ACER3: variants seen among roughly 807,000 people sequenced by gnomAD.
ACER3 encodes alkaline ceramidase 3, also known as alkCDase 3.
In ACER3, 16 loss-of-function variants were observed where a neutral mutation model predicts 48.9. That is an observed-to-expected ratio of 0.33 (90% CI 0.22 to 0.50). ACER3 has a LOEUF of 0.50. Ranked by LOEUF, ACER3 falls within the 20% of genes least tolerant of loss-of-function variation. ACER3 has a pLI of 0.98. For synonymous variants in ACER3, 109 were observed against 107.8 expected (o/e 1.01, Z -0.07); for missense variants, 227 against 326.0 (o/e 0.70, Z 2.34).
chr11:76,910,430 A>G (rs1484768585), intron 1 of ACER3, among the ~76,000 whole-genome samples: 1 of 152,172 alleles, frequency 6.6e-6, no homozygotes, highest in Non-Finnish European at 1.5e-5. Flanking sequence ...ATTTCACCCT[A>G]TCAGAATAAA....
intron 3 of ACER3, among the ~76,000 whole-genome samples, chr11:76,973,231 C>T (rs1948354918): frequency 1.3e-5 from 2 of 152,296 alleles, no homozygotes; most frequent in South Asian, 2.1e-4. Context: ...TTCTGACCTC[C>T]ACAACTGTCA....
intron 1 of ACER3, among the ~76,000 whole-genome samples, chr11:76,922,767 A>G (rs969696182): frequency 6.6e-6 from 1 of 152,162 alleles, no homozygotes; most frequent in Non-Finnish European, 1.5e-5. Flanking sequence ...TGTAAATTGT[A>G]TAATTTCTTA....
At chr11:76,915,873 C>A (rs989013215) in intron 1 of ACER3, among the ~76,000 whole-genome samples, 1 of 152,152 alleles carries the variant, frequency 6.6e-6, no homozygotes, top group African/African-American at 2.4e-5. Flanking sequence ...CACTCAGTCT[C>A]AAGAACAGCA....
At chr11:76,941,013 AC>A (rs1947325722) in intron 2 of ACER3, among the ~76,000 whole-genome samples, 1 of 9,518 alleles carries the variant, frequency 1.1e-4, no homozygotes, top group Non-Finnish European at 3.7e-4. Context: ...GTGTGTATAA[AC>A]ACACACACAC....
chr11:76,872,882 TTTTC>T (rs1258712240), intron 1 of ACER3, among the ~76,000 whole-genome samples: 64 of 150,970 alleles, frequency 4.2e-4, no homozygotes, highest in Non-Finnish European at 6.3e-4. Context: ...TTTCTTTTTC[TTTTC>T]TTTCTTTCTT....
chr11:76,909,067 A>G (rs528617872), intron 1 of ACER3, among the ~76,000 whole-genome samples: 1 of 152,348 alleles, frequency 6.6e-6, no homozygotes, highest in Admixed American at 6.5e-5. Flanking sequence ...CTGGCTAGCC[A>G]TATGCAGAAA....
intron 4 of ACER3, 24 bp from the exon 5 acceptor site, chr11:76,985,619 G>A (rs376328936): frequency 2.7e-5 from 40 of 1,465,182 alleles, no homozygotes; most frequent in Non-Finnish European, 3.2e-5. Context: ...TCTTTTAAAA[G>A]TTTCTTTCTC....
intron 3 of ACER3, among the ~76,000 whole-genome samples, chr11:76,959,489 C>T (rs11237035): frequency 0.57 from 86,851 of 152,004 alleles, 28,005 homozygotes; most frequent in Non-Finnish European, 0.74. Context: ...GAATGCAGCC[C>T]AATACAAATT....
intron 3 of ACER3, among the ~76,000 whole-genome samples, chr11:76,959,662 C>T (rs1234845594): frequency 6.6e-6 from 1 of 152,036 alleles, no homozygotes; most frequent in Admixed American, 6.6e-5. Flanking sequence ...AAGCAATTCT[C>T]CTGCCTCAGC....
At chr11:76,929,680 G>T (rs80354738) in intron 2 of ACER3, among the ~76,000 whole-genome samples, 1 of 152,174 alleles carries the variant, frequency 6.6e-6, no homozygotes, top group Non-Finnish European at 1.5e-5. Context: ...TAGCACGAAG[G>T]GCTGTTGAAT....
At position 76,864,596 on chromosome 11, in the gene ACER3, A is replaced by ATTTTTTTTTTTTTTT. The variant is rs772026324; in HGVS notation, c.103+3524_103+3538dup. 1.3e-4 allele frequency among the ~76,000 whole-genome samples: 13 copies of ATTTTTTTTTTTTTTT among 99,932 alleles called. 2 individuals carry two copies. The highest frequency in any genetic ancestry group is 2.2e-4 in the Non-Finnish European group (11 of 49,504). 65.6% of individuals were successfully genotyped at this position (99,932 alleles called of 152,430 possible). A position where few individuals can be genotyped will look rare whatever the true frequency, so the allele number is the denominator to read the frequency against. On this transcript the variant is annotated intron_variant, in intron 1 of 10. Coordinates refer to ENST00000532485, the MANE Select transcript of ACER3 (RefSeq NM_018367.7). ...ACATAACTCATAATATGGAATGGGT[A>ATTTTTTTTTTTTTTT]TTTTTTTTTTTTTTTTTTTTTGAGG...
chr11:76,886,502 A>G (rs1471364738), intron 1 of ACER3, among the ~76,000 whole-genome samples: 1 of 152,216 alleles, frequency 6.6e-6, no homozygotes, highest in Non-Finnish European at 1.5e-5. Flanking sequence ...TTAGCATGTT[A>G]CAATTATATG....
At chr11:76,868,377 C>A (rs982777274) in intron 1 of ACER3, 48 of 362,242 alleles carry the variant, frequency 1.3e-4, no homozygotes, top group Middle Eastern at 2.1e-3. Context: ...GTTTTAATAT[C>A]TCTCTCTCTC....
intron 1 of ACER3, among the ~76,000 whole-genome samples, chr11:76,899,248 AT>A (rs1946020129): frequency 6.6e-6 from 1 of 152,220 alleles, no homozygotes; most frequent in Admixed American, 6.5e-5. Context: ...CCTTATTATA[AT>A]GAAAAATCTG....
At chr11:76,867,468 CAAAAAAAAA>C (rs1156610809) in intron 1 of ACER3, among the ~76,000 whole-genome samples, 22 of 19,656 alleles carry the variant, frequency 1.1e-3, no homozygotes, top group Admixed American at 1.7e-3. Context: ...GACTCTGTCT[CAAAAAAAAA>C]AAAAAAAAAA....
chr11:76,987,014 T>C (rs1156692631), intron 5 of ACER3, among the ~76,000 whole-genome samples: 2 of 152,040 alleles, frequency 1.3e-5, no homozygotes, highest in Non-Finnish European at 2.9e-5. Context: ...TGCAGTGAGC[T>C]GAGATCGTGC....
At position 77,025,412 on chromosome 11, in the gene ACER3, T is replaced by TATATATATATATATATA. The variant is rs575045221; in HGVS notation, c.*5085_*5086insATATATATATATATATA. 267 of 69,126 alleles carry TATATATATATATATATA rather than the reference T, an allele frequency of 3.9e-3. 4 individuals carry two copies. The highest frequency in any genetic ancestry group is 0.011 in the African/African-American group (248 of 23,358). The allele number at this position is 69,126 out of a possible 1,614,324, so 4.3% of individuals were successfully genotyped here. ...ATTCTTTATATATATATATATATAT[T>TATATATATATATATATA]TATTTATTTTTTTGAGACAGAGTCT... On this transcript the variant is annotated 3_prime_UTR_variant, in exon 11 of 11. Coordinates refer to ENST00000532485, the MANE Select transcript of ACER3 (RefSeq NM_018367.7).
At chr11:76,911,414 C>T (rs966235116) in intron 1 of ACER3, among the ~76,000 whole-genome samples, 4 of 152,114 alleles carry the variant, frequency 2.6e-5, no homozygotes, top group African/African-American at 9.7e-5. Context: ...ATATGATTAG[C>T]AGTGCCAGGG....
chr11:77,005,997 T>A lies in ACER3; in HGVS notation c.497+7176T>A, dbSNP rs1274950623. Among the ~76,000 whole-genome samples, 27 of 48,462 alleles carry A rather than the reference T, an allele frequency of 5.6e-4. 2 individuals carry two copies. Among genetic ancestry groups the A allele is most frequent in the South Asian group, 2.8e-3 (3 of 1,054 alleles). The allele number at this position is 48,462 out of a possible 152,430, so 31.8% of individuals were successfully genotyped here. A position where few individuals can be genotyped will look rare whatever the true frequency, so the allele number is the denominator to read the frequency against. On this transcript the variant is annotated intron_variant, in intron 7 of 10. Coordinates refer to ENST00000532485, the MANE Select transcript of ACER3 (RefSeq NM_018367.7). Reference sequence around the variant, plus strand: ...CATATATATATATATATATATTTTTTTTTTTTTTTGAGCCAGAGTTTCACT... The same window carrying A: ...CATATATATATATATATATATTTTTATTTTTTTTTGAGCCAGAGTTTCACT...
Sources: gnomAD v4.1 joint callset for allele counts (sites outside exome capture counted in the v4.1 genomes callset) on GRCh38, gnomAD v4.1.1 for gene constraint, MANE v1.5 for transcripts, NCBI Gene and HGNC (gene_info 2026-07-23, HGNC 2026-07-21) for gene names.